The following EFTUD2 variants were observed in gnomAD, a reference collection of about 807,000 sequenced individuals.
EFTUD2 encodes the protein 116 kDa U5 small nuclear ribonucleoprotein component.
A neutral mutation model predicts 114.3 loss-of-function variants in EFTUD2; 9 were observed. The ratio of observed to expected loss-of-function variants is 0.08; its 90% confidence interval spans 0.05 to 0.14. The LOEUF (loss-of-function observed/expected upper bound fraction) is 0.14. EFTUD2 is among the 10% of genes least tolerant of loss of function. EFTUD2 has a pLI of 1.00. For synonymous variants in EFTUD2, 449 were observed against 462.3 expected (o/e 0.97, Z 0.37); for missense variants, 765 against 1,241.2 (o/e 0.62, Z 5.76).
In EFTUD2 at chr17:44,850,244, C is replaced by A. The variant is rs1048785903; in HGVS notation, c.*1030G>T. ...GGAAGCTGGACTCTCAAGGGAGCAG[C>A]TAGAGGTGAACCCCTAGGACGCCTG... On this transcript the variant is annotated 3_prime_UTR_variant, in exon 28 of 28. Coordinates refer to ENST00000426333, the MANE Select transcript of EFTUD2 (RefSeq NM_004247.4). 3.4e-5 allele frequency: 34 copies of A among 995,784 alleles called. No homozygotes were observed. The Middle Eastern group carries it at 9.1e-4, about 27-fold the overall frequency. The allele number at this position is 995,784 out of a possible 1,614,324, so 61.7% of individuals were successfully genotyped here.
At chr17:44,881,791 C>G in intron 6 of EFTUD2, 69 bp from the exon 7 acceptor site, 1 of 1,408,634 alleles carries the variant, frequency 7.1e-7, no homozygotes, top group South Asian at 1.2e-5. Context: ...CCATCAATCA[C>G]TTTCCCTCAC....
chr17:44,885,689 G>A (rs1174898276), intron 3 of EFTUD2, among the ~76,000 whole-genome samples: 1 of 152,008 alleles, frequency 6.6e-6, no homozygotes, highest in Non-Finnish European at 1.5e-5. Context: ...GGGAGACAGG[G>A]TTTCACTGTT....
intron 7 of EFTUD2, 31 bp downstream of exon 7, chr17:44,881,656 G>T: frequency 1.2e-6 from 2 of 1,613,392 alleles, no homozygotes; most frequent in Non-Finnish European, 1.7e-6. Context: ...TCTGGTGTAG[G>T]TGACAATCAG....
intron 1 of EFTUD2, among the ~76,000 whole-genome samples, chr17:44,895,168 A>T (rs1231646215): frequency 6.6e-6 from 1 of 152,278 alleles, no homozygotes. Flanking sequence ...AAAATTAATT[A>T]TAAGGAATTC....
chr17:44,873,976 C>A, intron 10 of EFTUD2, among the ~76,000 whole-genome samples: 1 of 149,722 alleles, frequency 6.7e-6, no homozygotes, highest in South Asian at 2.1e-4. Flanking sequence ...CCTCATGATC[C>A]GCCCGCCTCG....
At chr17:44,855,865 T>C (rs2050540970) in intron 20 of EFTUD2, among the ~76,000 whole-genome samples, 1 of 150,990 alleles carries the variant, frequency 6.6e-6, no homozygotes, top group Admixed American at 6.6e-5. Context: ...GGCAGGGGAA[T>C]TGCTTGGACC....
chr17:44,865,198 G>T, intron 13 of EFTUD2, 133 bp from the exon 14 acceptor site: 1 of 1,328,848 alleles, frequency 7.5e-7, no homozygotes, highest in Non-Finnish European at 1.0e-6. Flanking sequence ...CAAAGCTCTT[G>T]GCAAGGACAA....
Position 44,860,409 on chromosome 17 carries a change from G to C in EFTUD2, c.1719+23C>G, listed in dbSNP as rs2145460766. 3.2e-6 allele frequency: 5 copies of C among 1,564,178 alleles called. No individual in the cohort carries two copies. The East Asian group carries it at 1.1e-4, about 35-fold the overall frequency. On this transcript the variant is annotated intron_variant, in intron 17 of 27. Transcript: ENST00000426333. ...GGACCATCTAGCTTAAGCCAACCCAGTTGGTCTCTTCAGAAACTCTACCTC... is the reference window on the plus strand; with the variant it reads ...GGACCATCTAGCTTAAGCCAACCCACTTGGTCTCTTCAGAAACTCTACCTC...
At chr17:44,888,169 T>G (rs979004935) in intron 2 of EFTUD2, among the ~76,000 whole-genome samples, 1 of 152,144 alleles carries the variant, frequency 6.6e-6, no homozygotes, top group African/African-American at 2.4e-5. Context: ...GAAGCCAATA[T>G]GGTGAGAATG....
At chr17:44,853,476 T>G (rs2050492260) in intron 24 of EFTUD2, 41 bp downstream of exon 24, 25 of 1,610,642 alleles carry the variant, frequency 1.6e-5, no homozygotes, top group Non-Finnish European at 2.1e-5. Flanking sequence ...TAGTCCCCTG[T>G]CCAGTGAAGC....
chr17:44,867,441 A>G (rs2050767599), intron 13 of EFTUD2, among the ~76,000 whole-genome samples: 1 of 151,746 alleles, frequency 6.6e-6, no homozygotes, highest in Non-Finnish European at 1.5e-5. Flanking sequence ...CTGGGACTAC[A>G]GGCGCCCGCC....
chr17:44,868,643 C>T (rs569870255), intron 11 of EFTUD2, among the ~76,000 whole-genome samples: 11 of 152,306 alleles, frequency 7.2e-5, no homozygotes, highest in South Asian at 2.1e-4. Context: ...TGTTTTCCTT[C>T]GATGGAACAG....
intron 1 of EFTUD2, among the ~76,000 whole-genome samples, chr17:44,896,610 G>C (rs1049997480): frequency 2.0e-5 from 3 of 152,056 alleles, no homozygotes; most frequent in African/African-American, 7.3e-5. Flanking sequence ...TCGCACCACT[G>C]CACTTCAGCC....
In EFTUD2 at chr17:44,859,713, A is replaced by C. The variant is rs1037646737; in HGVS notation, c.1860+192T>G. On this transcript the variant is annotated intron_variant, in intron 18 of 27. Coordinates refer to ENST00000426333, the MANE Select transcript of EFTUD2 (RefSeq NM_004247.4). ...CCCCCTCCTACACAGGTCTTGTTTTAACACACACACATACACACACACACG... is the reference window on the plus strand; with the variant it reads ...CCCCCTCCTACACAGGTCTTGTTTTCACACACACACATACACACACACACG... 12 of 836,628 alleles carry C rather than the reference A, an allele frequency of 1.4e-5. No individual in the cohort carries two copies. In the East Asian group the frequency reaches 1.7e-4, roughly 12 times the overall value. 51.8% of individuals were successfully genotyped at this position (836,628 alleles called of 1,614,324 possible).
chr17:44,858,655 A>G (rs1038447570), intron 19 of EFTUD2, among the ~76,000 whole-genome samples: 1 of 151,892 alleles, frequency 6.6e-6, no homozygotes, highest in African/African-American at 2.4e-5. Context: ...TATGTTGCCC[A>G]GATTGGTCTC....
chr17:44,893,641 G>A (rs935064579), intron 2 of EFTUD2, among the ~76,000 whole-genome samples: 1 of 152,056 alleles, frequency 6.6e-6, no homozygotes, highest in Non-Finnish European at 1.5e-5. Context: ...CCTTAGTAGC[G>A]AAGCTTTGCT....
intron 5 of EFTUD2, 95 bp from the exon 6 acceptor site, chr17:44,883,253 AAGG>A (rs2051105667): frequency 6.0e-6 from 7 of 1,164,908 alleles, no homozygotes; most frequent in Non-Finnish European, 8.8e-6. Flanking sequence ...ATTTAGGGAT[AAGG>A]AGAGAAAAAG....
chr17:44,855,120 G>A, intron 20 of EFTUD2, 116 bp from the exon 21 acceptor site: 1 of 904,934 alleles, frequency 1.1e-6, no homozygotes, highest in Non-Finnish European at 1.8e-6. Flanking sequence ...AAAGCCACAG[G>A]GGCCAAGCGT....
Position 44,881,667 on chromosome 17 carries a change from AT to A in EFTUD2, c.528+19del. On this transcript the variant is annotated intron_variant, in intron 7 of 27. Coordinates refer to ENST00000426333, the MANE Select transcript of EFTUD2 (RefSeq NM_004247.4). The stretch of plus-strand genomic sequence containing the variant: ...TGGGTCTGGTGTAGGTGACAATCAG[AT>A]TCCCCAAGGCATGCTTACCTCTTGC... 6.2e-7 allele frequency: 1 copy of A among 1,614,076 alleles called. No individual in the cohort carries two copies. The highest frequency in any genetic ancestry group is 8.5e-7 in the Non-Finnish European group (1 of 1,179,922).
Sources: allele counts gnomAD v4.1 joint callset (sites outside exome capture counted in the v4.1 genomes callset), GRCh38; gene constraint gnomAD v4.1.1; transcripts MANE v1.5; gene names NCBI Gene and HGNC (gene_info 2026-07-23, HGNC 2026-07-21).